PIH1D2: variants seen among roughly 807,000 people sequenced by gnomAD.
The protein encoded by PIH1D2 is PIH1 domain-containing protein 2.
In PIH1D2, 25 loss-of-function variants were observed where a neutral mutation model predicts 31.2. That is an observed-to-expected ratio of 0.80 (90% CI 0.58 to 1.12). The LOEUF (loss-of-function observed/expected upper bound fraction) is 1.12. Among genes scored for constraint, PIH1D2 ranks in the 50% most tolerant of loss-of-function variants. The pLI, the probability that PIH1D2 is intolerant of heterozygous loss-of-function variation, is 0.00. For synonymous variants in PIH1D2, 116 were observed against 119.9 expected, an observed-to-expected ratio of 0.97 and a Z score of 0.21; for missense variants, 310 against 356.6, an observed-to-expected ratio of 0.87 and a Z score of 1.05.
rs1047422431 is a variant in PIH1D2 at position 112,073,096 on chromosome 11, G to A, written c.79C>T (p.Pro27Ser). The A allele has an allele frequency of 3.1e-6, 5 of 1,613,842 alleles. No individual in the cohort carries two copies. Among genetic ancestry groups the A allele is most frequent in the Admixed American group, 1.7e-5 (1 of 60,000 alleles). ...NLLDDLAQSD[P>S]EGYEKFIQQQ... ...TGAATAAACTTCTCATAGCCCTCAGGGTCACTCTGAGCTAGATCATCTAGG... is the reference window on the plus strand; with the variant it reads ...TGAATAAACTTCTCATAGCCCTCAGAGTCACTCTGAGCTAGATCATCTAGG... Residue 27 changes from proline to serine, a missense_variant, in exon 2 of 6, where the codon CCT becomes TCT. Coordinates refer to ENST00000280350, the MANE Select transcript of PIH1D2 (RefSeq NM_138789.4).
chr11:112,071,818 C>T, intron 2 of PIH1D2, 60 bp from the exon 3 acceptor site: 1 of 1,573,926 alleles, frequency 6.4e-7, no homozygotes. Context: ...TAAGGCCAGG[C>T]ATGGTGGCTC....
At chr11:112,053,698 C>T in the PIH1D2 span, among the ~76,000 whole-genome samples, 2 of 152,146 alleles carry the variant, frequency 1.3e-5, no homozygotes, top group East Asian at 1.9e-4. Flanking sequence ...TGTGAGCCGC[C>T]CACCTTGGCC....
At chr11:112,067,490 C>CCCGT (rs1864959163), downstream of PIH1D2, among the ~76,000 whole-genome samples, 1 of 149,140 alleles carries the variant, frequency 6.7e-6, no homozygotes, top group Non-Finnish European at 1.5e-5. Context: ...ATGGTGAAAC[C>CCCGT]CCGTCTCTAC....
At chr11:112,058,579 A>C (rs1479339288), downstream of PIH1D2, among the ~76,000 whole-genome samples, 2 of 116,330 alleles carry the variant, frequency 1.7e-5, no homozygotes, top group Admixed American at 2.4e-4. Flanking sequence ...AAAATCCATG[A>C]ATCCATGAGC....
chr11:112,065,481 A>G (rs1555183738), downstream of PIH1D2, among the ~76,000 whole-genome samples: 2 of 152,204 alleles, frequency 1.3e-5, no homozygotes, highest in African/African-American at 4.8e-5. Flanking sequence ...GTGATTTTGT[A>G]GGAGTAAAGA....
chr11:112,068,725 A>G (rs1424384707), intron 5 of PIH1D2, among the ~76,000 whole-genome samples: 1 of 152,138 alleles, frequency 6.6e-6, no homozygotes, highest in African/African-American at 2.4e-5. Context: ...CAGAGGTTGC[A>G]GTAAGCTGAG....
the PIH1D2 span, among the ~76,000 whole-genome samples, chr11:112,052,589 G>A: frequency 0.021 from 3,167 of 152,232 alleles, 123 homozygotes; most frequent in African/African-American, 0.073. Flanking sequence ...GTGGTGCAGA[G>A]CTTCCATGTC....
the PIH1D2 span, among the ~76,000 whole-genome samples, chr11:112,057,798 C>T: frequency 3.3e-5 from 5 of 152,132 alleles, no homozygotes; most frequent in Admixed American, 1.3e-4. Context: ...CCTCATCAGT[C>T]GGCAGCCATC....
At position 112,067,898 on chromosome 11, in the gene PIH1D2, C is replaced by T. The variant is rs782374142; in HGVS notation, c.921G>A (p.Thr307=). Residue 307 remains threonine, a synonymous_variant, in exon 6 of 6, where the codon ACG becomes ACA. Transcript: ENST00000280350. The stretch of plus-strand genomic sequence containing the variant: ...ACACCAAAGGCATTGTGATGATTAG[C>T]GTGGATTTTTCTTTGATAAATTTTG... ...TTAKFIKEKS[T]LIITMPLV The T allele has an allele frequency of 1.1e-5, 18 of 1,611,654 alleles. No individual in the cohort carries two copies. The highest frequency in any genetic ancestry group is 1.6e-4 in the Middle Eastern group (1 of 6,078).
chr11:112,063,585 A>T (rs1864773059), downstream of PIH1D2: 1 of 152,524 alleles, frequency 6.6e-6, no homozygotes, highest in Non-Finnish European at 1.5e-5. Context: ...TTCTACTTTG[A>T]TAAAGTAAAA....
the PIH1D2 span, among the ~76,000 whole-genome samples, chr11:112,057,240 C>T: frequency 1.3e-5 from 2 of 152,178 alleles, no homozygotes; most frequent in Non-Finnish European, 2.9e-5. Context: ...TTGGGCCTCC[C>T]TATTCCATGA....
chr11:112,063,975 TATTC>T, downstream of PIH1D2: 1 of 474,122 alleles, frequency 2.1e-6, no homozygotes, highest in Admixed American at 3.9e-5. Flanking sequence ...TGTTTCTAAA[TATTC>T]ATTATTACAT....
chr11:112,072,549 CAA>C (rs148760956), intron 2 of PIH1D2, among the ~76,000 whole-genome samples: 633 of 36,270 alleles, frequency 0.017, 6 homozygotes, highest in African/African-American at 0.072. Context: ...GACCCTATCT[CAA>C]AAAAAAAAAA....
At chr11:112,057,440 G>A in the PIH1D2 span, among the ~76,000 whole-genome samples, 2 of 152,170 alleles carry the variant, frequency 1.3e-5, no homozygotes, top group Non-Finnish European at 2.9e-5. Context: ...GCCAACTTGT[G>A]AATACAAAGA....
Position 112,070,974 on chromosome 11 carries a change from A to G in PIH1D2, c.547+64T>C, listed in dbSNP as rs587686773. On this transcript the variant is annotated intron_variant, in intron 4 of 5. Transcript: ENST00000280350. ...AAAATAGAGATTTCTAGTTTGCAAA[A>G]TGTATACAGGATCCAAAAACATCTT... 14 of 1,521,206 alleles carry G rather than the reference A, an allele frequency of 9.2e-6. No individual in the cohort carries two copies. The South Asian group carries it at 1.4e-4, about 16-fold the overall frequency. 94.2% of individuals were successfully genotyped at this position (1,521,206 alleles called of 1,614,324 possible). A position where few individuals can be genotyped will look rare whatever the true frequency, so the allele number is the denominator to read the frequency against.
the PIH1D2 span, among the ~76,000 whole-genome samples, chr11:112,056,885 G>T: frequency 6.5e-4 from 99 of 152,206 alleles, no homozygotes; most frequent in African/African-American, 2.2e-3. Context: ...AGAGTATCTC[G>T]CTTTATTGCA....
chr11:112,073,503 G>C (rs1157514327), intron 1 of PIH1D2, among the ~76,000 whole-genome samples: 1 of 152,086 alleles, frequency 6.6e-6, no homozygotes. Flanking sequence ...ACACCTGACT[G>C]GTGGCTCCCC....
At chr11:112,057,696 C>T in the PIH1D2 span, among the ~76,000 whole-genome samples, 6 of 152,186 alleles carry the variant, frequency 3.9e-5, no homozygotes, top group East Asian at 3.9e-4. Context: ...GAGGTTGGCT[C>T]ATGAGGTTGA....
intron 5 of PIH1D2, 168 bp downstream of exon 5, chr11:112,070,268 C>T: frequency 1.4e-6 from 1 of 736,280 alleles, no homozygotes; most frequent in Non-Finnish European, 2.2e-6. Context: ...TTCTATTTTC[C>T]CTTTGCTGAG....
Sources: allele counts gnomAD v4.1 joint callset (sites outside exome capture counted in the v4.1 genomes callset), GRCh38; gene constraint gnomAD v4.1.1; transcripts MANE v1.5; gene names NCBI Gene and HGNC (gene_info 2026-07-23, HGNC 2026-07-21).